Variants in RASGRP1 observed in about 807,000 individuals in gnomAD.
The protein encoded by RASGRP1 is RAS guanyl-releasing protein 1.
In RASGRP1, 37 loss-of-function variants were observed where a neutral mutation model predicts 95.1. The observed-to-expected ratio is 0.39, with a 90% CI of 0.30 to 0.51. The LOEUF is 0.51. RASGRP1 is among the 20% of genes least tolerant of loss of function. RASGRP1 has a pLI of 0.80. For synonymous variants in RASGRP1, 325 were observed against 353.4 expected, an observed-to-expected ratio of 0.92 and a Z score of 0.90; for missense variants, 711 against 965.4, an observed-to-expected ratio of 0.74 and a Z score of 3.49.
chr15:38,493,449 G>C (rs1212700996), intron 16 of RASGRP1, among the ~76,000 whole-genome samples: 5 of 151,818 alleles, frequency 3.3e-5, no homozygotes, highest in Non-Finnish European at 7.4e-5. Context: ...AAGTGCTGGG[G>C]GCATGAGCCA....
intron 2 of RASGRP1, among the ~76,000 whole-genome samples, chr15:38,546,148 T>C (rs1431809465): frequency 2.6e-5 from 4 of 152,228 alleles, no homozygotes; most frequent in Non-Finnish European, 4.4e-5. Context: ...TAATAATGAT[T>C]GCTACTGTTT....
At chr15:38,526,521 C>G (rs906908542) in intron 2 of RASGRP1, 117 bp from the exon 3 acceptor site, 1 of 686,090 alleles carries the variant, frequency 1.5e-6, no homozygotes, top group East Asian at 2.7e-5. Flanking sequence ...TGATTTTCTT[C>G]CACTGCCCCT....
At chr15:38,548,814 T>A (rs773217131) in intron 2 of RASGRP1, among the ~76,000 whole-genome samples, 1 of 152,150 alleles carries the variant, frequency 6.6e-6, no homozygotes, top group African/African-American at 2.4e-5. Flanking sequence ...CTCCAACATT[T>A]CTCCTTGCAA....
intron 2 of RASGRP1, among the ~76,000 whole-genome samples, chr15:38,539,716 C>T (rs1892792848): frequency 6.6e-6 from 1 of 152,088 alleles, no homozygotes; most frequent in South Asian, 2.1e-4. Flanking sequence ...TGCTATCCCT[C>T]CCCGCTCCTC....
intron 2 of RASGRP1, among the ~76,000 whole-genome samples, chr15:38,536,586 G>A (rs1028569687): frequency 6.6e-6 from 1 of 152,192 alleles, no homozygotes; most frequent in African/African-American, 2.4e-5. Context: ...GGTTAGCCAT[G>A]ACCTCAGCCT....
chr15:38,498,169 A>G (rs1315403335), intron 15 of RASGRP1, among the ~76,000 whole-genome samples: 1 of 152,068 alleles, frequency 6.6e-6, no homozygotes, highest in East Asian at 1.9e-4. Flanking sequence ...TTCCTTCTCA[A>G]TTTTAAGCAG....
At chr15:38,544,045 G>A (rs1470523904) in intron 2 of RASGRP1, among the ~76,000 whole-genome samples, 1 of 152,068 alleles carries the variant, frequency 6.6e-6, no homozygotes, top group East Asian at 1.9e-4. Flanking sequence ...TAATTCATGG[G>A]ACCTTAAATT....
intron 1 of RASGRP1, among the ~76,000 whole-genome samples, chr15:38,564,077 T>C (rs1893924251): frequency 6.6e-6 from 1 of 152,152 alleles, no homozygotes; most frequent in South Asian, 2.1e-4. Context: ...GGCGATATGT[T>C]TCCCTGACCC....
At chr15:38,509,659 G>T (rs1475165417) in intron 8 of RASGRP1, among the ~76,000 whole-genome samples, 3 of 152,202 alleles carry the variant, frequency 2.0e-5, no homozygotes, top group African/African-American at 7.2e-5. Context: ...CTGGGAGGCG[G>T]AGATTCCAGT....
In RASGRP1 at chr15:38,516,247, G is replaced by C; in HGVS notation, c.625C>G (p.Leu209Val). Reference protein sequence around the residue: ...LLFDHLEPEELSEHLTYLEFK... With the variant: ...LLFDHLEPEEVSEHLTYLEFK... The stretch of plus-strand genomic sequence containing the variant: ...TCAAGGTAGGTGAGGTGCTCGGATA[G>C]CTCTTCTGGTTCCAGATGGTCAAAG... The change falls in exon 6 of 17, where the codon CTA (leucine) becomes GTA (valine). Residue 209 changes from leucine (L) to valine (V), a missense_variant. Physicochemically the swap from Leu to Val is conservative, Grantham distance 32. Coordinates refer to ENST00000310803, the MANE Select transcript of RASGRP1 (RefSeq NM_005739.4). The C allele has an allele frequency of 6.2e-7, 1 of 1,602,550 alleles. No homozygotes were observed. The highest frequency in any genetic ancestry group is 8.6e-7 in the Non-Finnish European group (1 of 1,169,554).
chr15:38,503,607 C>T (rs1712137487), intron 10 of RASGRP1: 1 of 529,484 alleles, frequency 1.9e-6, no homozygotes, highest in Non-Finnish European at 3.3e-6. Flanking sequence ...TCTGCAGCTA[C>T]AGATAATTTG....
chr15:38,541,536 G>A (rs1420021994), intron 2 of RASGRP1, among the ~76,000 whole-genome samples: 1 of 152,060 alleles, frequency 6.6e-6, no homozygotes, highest in Non-Finnish European at 1.5e-5. Flanking sequence ...AGGCTGCACT[G>A]AGCCGTGATT....
At position 38,507,981 on chromosome 15, in the gene RASGRP1, C is replaced by T; in HGVS notation, c.987G>A (p.Glu329=). 2 of 1,605,410 alleles carry T rather than the reference C, an allele frequency of 1.2e-6. No individual in the cohort carries two copies. Among genetic ancestry groups the T allele is most frequent in the South Asian group, 1.1e-5 (1 of 88,728 alleles). ...EINKVLGEMT[E]LLSSSRNYDN... is the part of the protein sequence containing the mutation. ...CGTAGTTTCTGGAGGAGGACAGCAG[C>T]TCAGTCATCTCACCGAGAACCTACA... The change falls in exon 9 of 17, where the codon GAG becomes GAA. Residue 329 remains glutamate (E), a synonymous_variant. Transcript: ENST00000310803.
intron 2 of RASGRP1, among the ~76,000 whole-genome samples, chr15:38,550,255 A>AAG (rs1555404422): frequency 6.6e-6 from 1 of 151,310 alleles, no homozygotes; most frequent in African/African-American, 2.4e-5. Context: ...AAAAAAAAAA[A>AAG]AAAAGAAAAG....
chr15:38,498,809 T>C lies in RASGRP1; in HGVS notation c.1858A>G (p.Lys620Glu), dbSNP rs763526840. 1 of 1,613,618 alleles carries C rather than the reference T, an allele frequency of 6.2e-7. No homozygotes were observed. The highest frequency in any genetic ancestry group is 1.7e-5 in the Admixed American group (1 of 60,010). Residue 620 changes from lysine to glutamate, a missense_variant, in exon 15 of 17, where the codon AAA (lysine) becomes GAA (glutamate). Around this residue, in one of 3 missense-constraint regions of RASGRP1, gnomAD observed 212 missense variants for 247.8 expected, o/e 0.86. Coordinates refer to ENST00000310803, the MANE Select transcript of RASGRP1 (RefSeq NM_005739.4). ...GCCTACTTACCATGGAGCAGATCTT[T>C]GGCTCCCAATGAGCAAAGGTTGGAC... ...PVSNLCSLGAKDLLHAPEEGP... is the reference protein window; with the variant it reads ...PVSNLCSLGAEDLLHAPEEGP...
At chr15:38,510,820 G>A (rs1249941376) in intron 8 of RASGRP1, among the ~76,000 whole-genome samples, 1 of 152,222 alleles carries the variant, frequency 6.6e-6, no homozygotes, top group South Asian at 2.1e-4. Context: ...AAATAGCTGG[G>A]CATAATGGTG....
chr15:38,491,550 T>C (rs1890583121), intron 16 of RASGRP1, among the ~76,000 whole-genome samples: 1 of 152,204 alleles, frequency 6.6e-6, no homozygotes, highest in Non-Finnish European at 1.5e-5. Context: ...GCTTATTCTT[T>C]TGTCCCATGC....
intron 2 of RASGRP1, among the ~76,000 whole-genome samples, chr15:38,530,747 T>C (rs1892401669): frequency 1.3e-5 from 2 of 152,228 alleles, no homozygotes; most frequent in Admixed American, 1.3e-4. Context: ...AAAAGGGACT[T>C]AGACGTGTCC....
chr15:38,537,707 A>G (rs1892709921), intron 2 of RASGRP1, among the ~76,000 whole-genome samples: 1 of 152,166 alleles, frequency 6.6e-6, no homozygotes, highest in South Asian at 2.1e-4. Flanking sequence ...CCCATCTCCA[A>G]CATTACATTT....
Sources: gnomAD v4.1 joint callset for allele counts (sites outside exome capture counted in the v4.1 genomes callset) on GRCh38, gnomAD v4.1.1 for gene constraint, gnomAD v4.1.1 regional missense constraint, MANE v1.5 for transcripts, NCBI Gene and HGNC (gene_info 2026-07-23, HGNC 2026-07-21) for gene names.